The following AP3B1 variants were observed in gnomAD, a reference collection of about 807,000 sequenced individuals.
AP3B1 encodes the protein adaptor related protein complex 3 subunit beta 1, also known as AP-3 complex subunit beta-1.
Under a neutral mutation model 132.5 loss-of-function variants are expected in AP3B1, and 61 were observed. The observed-to-expected ratio is 0.46, with a 90% confidence interval of 0.37 to 0.57. The LOEUF is 0.57. Among genes scored for constraint, AP3B1 ranks in the 20% least tolerant of loss-of-function variants. The probability of loss-of-function intolerance (pLI) is 0.00; values close to 1 mark genes in which losing one functional copy is unlikely to be tolerated. For missense variants in AP3B1, 1,120 were observed against 1,289.4 expected (o/e 0.87, Z 2.01); for synonymous variants, 388 against 438.3 (o/e 0.89, Z 1.43).
intron 17 of AP3B1, among the ~76,000 whole-genome samples, chr5:78,122,263 A>C (rs1243979990): frequency 1.3e-5 from 2 of 152,250 alleles, no homozygotes; most frequent in African/African-American, 4.8e-5. Flanking sequence ...AAAAACTGGA[A>C]GCATTCCCTT....
rs568572682 is a variant in AP3B1 at position 78,233,396 on chromosome 5, G to C, written c.280-5157C>G. 2.2e-3 allele frequency among the ~76,000 whole-genome samples: 340 copies of C among 152,064 alleles called. 1 individual carries two copies. Among genetic ancestry groups the C allele is most frequent in the African/African-American group, 8.0e-3 (334 of 41,504 alleles). On this transcript the variant is annotated intron_variant, in intron 3 of 26. Transcript: ENST00000255194. ...TTACAGGCGCATGCCACCACGCCCA[G>C]CTAATTTTTCTATTTTTAGTAGAGA...
intron 22 of AP3B1, among the ~76,000 whole-genome samples, chr5:78,074,890 G>A (rs1749696490): frequency 6.6e-6 from 1 of 152,006 alleles, no homozygotes; most frequent in Non-Finnish European, 1.5e-5. Context: ...CTGAGATTGC[G>A]CCACTGCACT....
At chr5:78,097,330 A>G (rs1580342808) in intron 21 of AP3B1, among the ~76,000 whole-genome samples, 2 of 104,248 alleles carry the variant, frequency 1.9e-5, no homozygotes, top group African/African-American at 7.5e-5. Flanking sequence ...TCCGGGAGGG[A>G]GGTGGGGGGG....
At chr5:78,150,698 A>C (rs1338295319) in intron 14 of AP3B1, among the ~76,000 whole-genome samples, 1 of 152,180 alleles carries the variant, frequency 6.6e-6, no homozygotes, top group Non-Finnish European at 1.5e-5. Flanking sequence ...GGGAAAAGTG[A>C]GGCATAAAGA....
intron 1 of AP3B1, among the ~76,000 whole-genome samples, chr5:78,285,264 T>C (rs1199198877): frequency 3.0e-4 from 41 of 137,022 alleles, no homozygotes; most frequent in Admixed American, 2.9e-3. Context: ...AAAAAAAAAA[T>C]ACTAACCACA....
At chr5:78,062,981 T>G (rs1192595935) in intron 22 of AP3B1, among the ~76,000 whole-genome samples, 1 of 152,168 alleles carries the variant, frequency 6.6e-6, no homozygotes, top group African/African-American at 2.4e-5. Flanking sequence ...CTGAAATGTC[T>G]CTCGGTTCTC....
At chr5:78,187,999 AC>A (rs1744671413) in intron 7 of AP3B1, among the ~76,000 whole-genome samples, 1 of 152,230 alleles carries the variant, frequency 6.6e-6, no homozygotes, top group Admixed American at 6.5e-5. Context: ...TCCCTATTTA[AC>A]AAGTGGTGCT....
At chr5:78,097,707 G>C (rs1312558956) in intron 21 of AP3B1, among the ~76,000 whole-genome samples, 1 of 151,626 alleles carries the variant, frequency 6.6e-6, no homozygotes, top group Non-Finnish European at 1.5e-5. Flanking sequence ...GGTGAGGGGC[G>C]CCTCTGCCAG....
At chr5:78,168,395 A>T (rs966379334) in intron 11 of AP3B1, among the ~76,000 whole-genome samples, 1 of 151,358 alleles carries the variant, frequency 6.6e-6, no homozygotes, top group Non-Finnish European at 1.5e-5. Flanking sequence ...AGCTTATTTT[A>T]AATTTTTTTG....
Position 78,141,324 on chromosome 5 carries a change from T to C in AP3B1, c.1474-5A>G, listed in dbSNP as rs753253754. ...ACTTGCTCTAGCAACAGGAACCTAA[T>C]ATGAGAAGCAGATTACATAGTTAGA... On this transcript the variant is annotated splice_region_variant and splice_polypyrimidine_tract_variant and intron_variant, in intron 14 of 26. Coordinates refer to ENST00000255194, the MANE Select transcript of AP3B1 (RefSeq NM_003664.5). 8 of 1,611,348 alleles carry C rather than the reference T, an allele frequency of 5.0e-6. No individual in the cohort carries two copies. In the African/African-American group the frequency reaches 5.3e-5, roughly 11 times the overall value.
At chr5:78,185,021 C>G (rs569053869) in intron 7 of AP3B1, among the ~76,000 whole-genome samples, 2 of 152,122 alleles carry the variant, frequency 1.3e-5, no homozygotes, top group Non-Finnish European at 2.9e-5. Flanking sequence ...AGTCTAATGA[C>G]AGCAGATTTC....
intron 2 of AP3B1, among the ~76,000 whole-genome samples, chr5:78,265,326 C>G (rs1268003360): frequency 6.6e-6 from 1 of 151,782 alleles, no homozygotes; most frequent in Non-Finnish European, 1.5e-5. Context: ...ATCTGTAGTC[C>G]CTGCTACTCA....
intron 5 of AP3B1, among the ~76,000 whole-genome samples, chr5:78,226,128 T>C (rs1746391043): frequency 2.6e-5 from 4 of 151,784 alleles, no homozygotes; most frequent in Admixed American, 2.6e-4. Flanking sequence ...TGAGATAGAA[T>C]ACTAACAGAC....
intron 14 of AP3B1, among the ~76,000 whole-genome samples, chr5:78,147,068 T>C (rs1251707239): frequency 6.6e-6 from 1 of 152,012 alleles, no homozygotes; most frequent in Non-Finnish European, 1.5e-5. Context: ...CTTATATCTG[T>C]CTACTAGAAA....
At chr5:78,027,117 A>G (rs972317783) in intron 24 of AP3B1, among the ~76,000 whole-genome samples, 7 of 152,048 alleles carry the variant, frequency 4.6e-5, no homozygotes, top group African/African-American at 1.7e-4. Context: ...AGAACCTGTT[A>G]GTTATTTTCC....
chr5:78,073,144 T>C (rs1338879867), intron 22 of AP3B1, among the ~76,000 whole-genome samples: 2 of 152,348 alleles, frequency 1.3e-5, no homozygotes, highest in South Asian at 4.1e-4. Context: ...TCATTGGACA[T>C]GTATTCTACA....
At chr5:78,239,472 GAAAAAAA>G (rs1302357220) in intron 3 of AP3B1, among the ~76,000 whole-genome samples, 20 of 39,522 alleles carry the variant, frequency 5.1e-4, no homozygotes, top group Non-Finnish European at 8.4e-4. Flanking sequence ...CCCTGTCTCA[GAAAAAAA>G]AAAAAAAAAA....
rs4532349 is a variant in AP3B1, at chr5:78,177,341, A to G, written c.1038T>C (p.Asn346=). The stretch of plus-strand genomic sequence containing the variant: ...ATATATATAAAATCATGACCTACCT[A>G]TTGCTACGAAGTAAACGCACTAGTG... ...SKSLVRLLRS[N]REVQYIVLQN... The change falls in exon 9 of 27, where the codon AAT becomes AAC. Residue 346 remains asparagine, a splice_region_variant and synonymous_variant. Transcript: ENST00000255194. 338,175 of 1,604,018 alleles carry G rather than the reference A, an allele frequency of 0.21. 38,199 individuals carry two copies. Among genetic ancestry groups the G allele is most frequent in the Admixed American group, 0.29 (17,210 of 59,950 alleles).
intron 22 of AP3B1, among the ~76,000 whole-genome samples, chr5:78,040,229 T>G (rs1230960978): frequency 6.6e-6 from 1 of 152,172 alleles, no homozygotes; most frequent in Non-Finnish European, 1.5e-5. Context: ...TGGAATTGAT[T>G]TTGATATATT....
Sources: allele counts gnomAD v4.1 joint callset (sites outside exome capture counted in the v4.1 genomes callset), GRCh38; gene constraint gnomAD v4.1.1; transcripts MANE v1.5; gene names NCBI Gene and HGNC (gene_info 2026-07-23, HGNC 2026-07-21).